The following CDH13 variants were observed in gnomAD, a reference collection of about 807,000 sequenced individuals.
CDH13 encodes the protein cadherin 13.
CDH13 carries 24 observed loss-of-function variants against 63.8 expected under a neutral mutation model. The observed-to-expected ratio is 0.38, with a 90% confidence interval of 0.27 to 0.53. The LOEUF (loss-of-function observed/expected upper bound fraction) is 0.53, where lower values mean the gene tolerates loss of function less well. CDH13 is among the 20% of genes least tolerant of loss of function. The pLI is 0.85. For synonymous variants in CDH13, 503 were observed against 355.3 expected (o/e 1.42, Z -4.67); for missense variants, 1,049 against 903.1 (o/e 1.16, Z -2.07).
chr16:82,730,341 C>G (rs965818366), intron 1 of CDH13, among the ~76,000 whole-genome samples: 13 of 152,172 alleles, frequency 8.5e-5, no homozygotes, highest in African/African-American at 3.1e-4. Context: ...ATTTAGAGAC[C>G]ATTGTAGGGT....
At chr16:83,159,189 G>A (rs2151707815) in intron 4 of CDH13, among the ~76,000 whole-genome samples, 1 of 151,364 alleles carries the variant, frequency 6.6e-6, no homozygotes, top group Admixed American at 6.6e-5. Context: ...AAATACCCTG[G>A]GGGAAACAAA....
intron 1 of CDH13, among the ~76,000 whole-genome samples, chr16:82,688,581 A>C (rs1208186016): frequency 6.6e-6 from 1 of 152,206 alleles, no homozygotes; most frequent in African/African-American, 2.4e-5. Flanking sequence ...CATATTTTAC[A>C]GTGTAATAGT....
chr16:83,631,577 A>G (rs1302941223), intron 8 of CDH13, among the ~76,000 whole-genome samples: 1 of 152,144 alleles, frequency 6.6e-6, no homozygotes, highest in Non-Finnish European at 1.5e-5. Context: ...TGAGGTGGAC[A>G]GTGTCAAAAT....
At position 83,059,789 on chromosome 16, in the gene CDH13, G is replaced by GTTTT. The variant is rs1256608391; in HGVS notation, c.366+27574_366+27575insTTTT. Among the ~76,000 whole-genome samples, 47 of 98,724 alleles carry GTTTT rather than the reference G, an allele frequency of 4.8e-4. 1 individual carries two copies. Among genetic ancestry groups the GTTTT allele is most frequent in the African/African-American group, 1.6e-3 (42 of 26,670 alleles). The allele number at this position is 98,724 out of a possible 152,430, so 64.8% of individuals were successfully genotyped here. A position where few individuals can be genotyped will look rare whatever the true frequency, so the allele number is the denominator to read the frequency against. On this transcript the variant is annotated intron_variant, in intron 3 of 13. Transcript: ENST00000567109. ...GACTTTTGCCTTTGTTTTTTTTTTT[G>GTTTT]TTTGTTTTTTTTTTTTTTTTTTTTA...
At chr16:83,617,171 G>A (rs1029614347) in intron 8 of CDH13, among the ~76,000 whole-genome samples, 12 of 152,050 alleles carry the variant, frequency 7.9e-5, no homozygotes, top group African/African-American at 1.7e-4. Context: ...TTTCATCTCC[G>A]CCTCTAGGGC....
chr16:83,089,323 A>G (rs1450613951), intron 3 of CDH13, among the ~76,000 whole-genome samples: 1 of 152,252 alleles, frequency 6.6e-6, no homozygotes, highest in Non-Finnish European at 1.5e-5. Flanking sequence ...TTTACGTTGT[A>G]TAATTGATGT....
At chr16:83,469,866 A>G (rs2073411116) in intron 6 of CDH13, among the ~76,000 whole-genome samples, 1 of 152,350 alleles carries the variant, frequency 6.6e-6, no homozygotes, top group Non-Finnish European at 1.5e-5. Flanking sequence ...TGGATAGTGC[A>G]AAATACAATG....
At chr16:83,494,357 T>G (rs989149214) in intron 7 of CDH13, among the ~76,000 whole-genome samples, 1 of 152,176 alleles carries the variant, frequency 6.6e-6, no homozygotes, top group African/African-American at 2.4e-5. Flanking sequence ...TAATGCAGGT[T>G]TTGCTTCATC....
At chr16:83,404,482 G>T (rs1316795212) in intron 6 of CDH13, among the ~76,000 whole-genome samples, 1 of 152,200 alleles carries the variant, frequency 6.6e-6, no homozygotes, top group East Asian at 1.9e-4. Context: ...ATTAAGTGAT[G>T]CGTGCAAAAT....
intron 1 of CDH13, among the ~76,000 whole-genome samples, chr16:82,657,964 G>T (rs1209637439): frequency 1.3e-5 from 2 of 152,156 alleles, no homozygotes; most frequent in Non-Finnish European, 2.9e-5. Context: ...GAAAAACAAT[G>T]GTAAGAGGGC....
At chr16:83,064,979 A>G (rs1240634549) in intron 3 of CDH13, among the ~76,000 whole-genome samples, 1 of 151,720 alleles carries the variant, frequency 6.6e-6, no homozygotes, top group Non-Finnish European at 1.5e-5. Context: ...GAAACTTTGC[A>G]CTCTTAGCTA....
chr16:83,088,589 A>C (rs1030455083), intron 3 of CDH13, among the ~76,000 whole-genome samples: 4 of 152,168 alleles, frequency 2.6e-5, no homozygotes, highest in Non-Finnish European at 5.9e-5. Flanking sequence ...CTGTCCTATA[A>C]AGTAAAGGTG....
chr16:83,293,138 C>G (rs544077769), intron 5 of CDH13, among the ~76,000 whole-genome samples: 1 of 152,288 alleles, frequency 6.6e-6, no homozygotes, highest in Admixed American at 6.5e-5. Context: ...GATGGGTTAT[C>G]AGCAACAGAA....
intron 7 of CDH13, among the ~76,000 whole-genome samples, chr16:83,565,725 T>A (rs573662729): frequency 6.6e-6 from 1 of 152,258 alleles, no homozygotes; most frequent in African/African-American, 2.4e-5. Flanking sequence ...GCTTATGACT[T>A]TTCTTTTGTG....
intron 10 of CDH13, among the ~76,000 whole-genome samples, chr16:83,699,062 A>G (rs1905818707): frequency 6.6e-6 from 1 of 152,230 alleles, no homozygotes; most frequent in Non-Finnish European, 1.5e-5. Flanking sequence ...AATCTCATCC[A>G]GTGGTTTCCT....
chr16:83,252,107 T>TATACACACAC, intron 5 of CDH13, among the ~76,000 whole-genome samples: 1 of 135,946 alleles, frequency 7.4e-6, no homozygotes, highest in Admixed American at 7.6e-5. Context: ...ATATATATTA[T>TATACACACAC]ACACACACAC....
chr16:82,984,981 C>T (rs1910753694), intron 2 of CDH13, among the ~76,000 whole-genome samples: 1 of 152,168 alleles, frequency 6.6e-6, no homozygotes, highest in Non-Finnish European at 1.5e-5. Flanking sequence ...CCTGTGTCTT[C>T]ATGCCCTCTC....
chr16:83,650,195 A>C (rs1184654372), intron 8 of CDH13, among the ~76,000 whole-genome samples: 1 of 151,958 alleles, frequency 6.6e-6, no homozygotes, highest in Admixed American at 6.6e-5. Context: ...TTTATTGAAA[A>C]GCAGCAGGAA....
intron 7 of CDH13, among the ~76,000 whole-genome samples, chr16:83,562,206 G>C (rs1018863971): frequency 2.0e-5 from 3 of 152,180 alleles, no homozygotes; most frequent in Admixed American, 6.5e-5. Flanking sequence ...GGATAGTTCA[G>C]AACAGGAATC....
Sources: gnomAD v4.1 joint callset for allele counts (sites outside exome capture counted in the v4.1 genomes callset) on GRCh38, gnomAD v4.1.1 for gene constraint, MANE v1.5 for transcripts, NCBI Gene and HGNC (gene_info 2026-07-23, HGNC 2026-07-21) for gene names.